ERG: variants seen among roughly 807,000 people sequenced by gnomAD.
The protein encoded by ERG is ETS transcription factor ERG.
A neutral mutation model predicts 55.3 loss-of-function variants in ERG; 9 were observed. The ratio of observed to expected loss-of-function variants is 0.16; its 90% CI spans 0.10 to 0.28. The LOEUF is 0.28. Among genes scored for constraint, ERG ranks in the 10% least tolerant of loss-of-function variants. The probability of loss-of-function intolerance (pLI) is 1.00; values close to 1 mark genes in which losing one functional copy is unlikely to be tolerated. For missense variants in ERG, 434 were observed against 631.6 expected, an observed-to-expected ratio of 0.69 and a Z score of 3.35; for synonymous variants, 223 against 237.3, an observed-to-expected ratio of 0.94 and a Z score of 0.55.
At chr21:38,461,517 C>T (rs1244149140) in intron 1 of ERG, among the ~76,000 whole-genome samples, 3 of 152,282 alleles carry the variant, frequency 2.0e-5, no homozygotes, top group Non-Finnish European at 4.4e-5. Flanking sequence ...TATCTCCCTG[C>T]CTAGCACAGT....
At chr21:38,435,657 T>G (rs1431370077) in intron 2 of ERG, among the ~76,000 whole-genome samples, 8 of 152,224 alleles carry the variant, frequency 5.3e-5, no homozygotes, top group Non-Finnish European at 7.3e-5. Flanking sequence ...TTTGTCCCCT[T>G]AAAGGGGCTC....
chr21:38,652,563 G>T (rs1291644097), intron 1 of ERG, among the ~76,000 whole-genome samples: 1 of 152,160 alleles, frequency 6.6e-6, no homozygotes. Flanking sequence ...CAGGCCTCAG[G>T]GTCTCACATA....
chr21:38,655,508 T>C (rs76158162), intron 1 of ERG, among the ~76,000 whole-genome samples: 1,626 of 152,340 alleles, frequency 0.011, 33 homozygotes, highest in African/African-American at 0.036. Flanking sequence ...GCTTGATTGC[T>C]AGGAGATTCA....
At chr21:38,521,356 T>TA (rs1156542309) in intron 2 of ERG, among the ~76,000 whole-genome samples, 21 of 152,348 alleles carry the variant, frequency 1.4e-4, no homozygotes, top group African/African-American at 4.3e-4. Context: ...ACAGAGAAGT[T>TA]ACGTCTCTTG....
At chr21:38,470,136 A>C (rs1194941237) in intron 1 of ERG, among the ~76,000 whole-genome samples, 1 of 152,182 alleles carries the variant, frequency 6.6e-6, no homozygotes. Context: ...TGTGTCCTTC[A>C]GTTTCCTCAT....
chr21:38,406,170 A>AAAAAAAAAAAAAAAAAAAAAC (rs1262015399), intron 3 of ERG, among the ~76,000 whole-genome samples: 2 of 151,198 alleles, frequency 1.3e-5, no homozygotes, highest in South Asian at 2.1e-4. Context: ...AAAAAAAAAA[A>AAAAAAAAAAAAAAAAAAAAAC]AAAAATCATC....
chr21:38,508,517 T>C (rs1437960526), intron 2 of ERG, among the ~76,000 whole-genome samples: 2 of 152,200 alleles, frequency 1.3e-5, no homozygotes, highest in South Asian at 2.1e-4. Context: ...TGGATTTCAA[T>C]ATAAAATAAG....
intron 2 of ERG, among the ~76,000 whole-genome samples, chr21:38,424,777 T>C (rs1041654578): frequency 2.0e-5 from 3 of 152,032 alleles, no homozygotes; most frequent in African/African-American, 7.2e-5. Flanking sequence ...GGCTTAGGTG[T>C]AGACAGGAAG....
At position 38,615,641 on chromosome 21, in the gene ERG, G is replaced by A. The variant is rs138167523; in HGVS notation, c.-149-30696C>T. 2.5e-3 allele frequency among the ~76,000 whole-genome samples: 378 copies of A among 150,024 alleles called. 2 individuals are homozygous for A. The highest frequency in any genetic ancestry group is 9.1e-3 in the African/African-American group (371 of 40,678). On this transcript the variant is annotated intron_variant, in intron 1 of 10. Coordinates refer to the ERG transcript ENST00000398910. ...ATGAAGTCTGTAAAGCATCTAGTATGTAGAAGCATAGAATAAATGATAGCT... is the reference window on the plus strand; with the variant it reads ...ATGAAGTCTGTAAAGCATCTAGTATATAGAAGCATAGAATAAATGATAGCT...
At chr21:38,419,869 A>G (rs929216831) in intron 3 of ERG, among the ~76,000 whole-genome samples, 2 of 152,192 alleles carry the variant, frequency 1.3e-5, no homozygotes, top group Non-Finnish European at 2.9e-5. Context: ...CCAGAACCCA[A>G]TCTGAACACG....
chr21:38,597,388 G>A (rs751948490), intron 1 of ERG, among the ~76,000 whole-genome samples: 1 of 151,832 alleles, frequency 6.6e-6, no homozygotes, highest in Non-Finnish European at 1.5e-5. Flanking sequence ...ACACGTGTGT[G>A]TACATTTATG....
chr21:38,516,310 T>G (rs2059551172), intron 2 of ERG, among the ~76,000 whole-genome samples: 1 of 151,774 alleles, frequency 6.6e-6, no homozygotes. Context: ...TCAGTAGCAT[T>G]TATATACCCA....
In ERG at chr21:38,649,434, C is replaced by T. The variant is rs552641289; in HGVS notation, c.-150+12224G>A. On this transcript the variant is annotated intron_variant, in intron 1 of 10. Transcript: ENST00000398910. ...CAAACGTTCTGGTTACCGGGGATGA[C>T]ACGCTTTTTCCGACAAGATTTTAAG... Among the ~76,000 whole-genome samples, 6 of 152,320 alleles carry T rather than the reference C, an allele frequency of 3.9e-5. No homozygotes were observed. In the South Asian group the frequency reaches 1.2e-3, roughly 32 times the overall value.
At chr21:38,558,754 G>A (rs1178235455) in intron 2 of ERG, among the ~76,000 whole-genome samples, 6 of 152,222 alleles carry the variant, frequency 3.9e-5, no homozygotes, top group Admixed American at 1.3e-4. Flanking sequence ...CAGTTACAGC[G>A]CAAATTGAGG....
chr21:38,482,512 G>A (rs2059246870), intron 1 of ERG, among the ~76,000 whole-genome samples: 1 of 152,030 alleles, frequency 6.6e-6, no homozygotes, highest in African/African-American at 2.4e-5. Context: ...TCCCTTTTCT[G>A]GGTACTTTCC....
Position 38,572,477 on chromosome 21 carries a change from T to A in ERG, c.-41+3185A>T, listed in dbSNP as rs568116213. Among the ~76,000 whole-genome samples the A allele has an allele frequency of 4.6e-5, 7 of 151,268 alleles. No homozygotes were observed. In the East Asian group the frequency reaches 1.4e-3, roughly 29 times the overall value. On this transcript the variant is annotated intron_variant, in intron 2 of 8. Transcript: ENST00000398897. ...TGAAATTTTACTTCAAAAACTCCCA[T>A]ATCAGGCATTTTAATGAATCAGTGG...
chr21:38,625,528 T>C (rs1328281438), intron 1 of ERG, among the ~76,000 whole-genome samples: 3 of 152,108 alleles, frequency 2.0e-5, no homozygotes, highest in African/African-American at 7.2e-5. Flanking sequence ...AAACATCCCT[T>C]AGGGAACATT....
At chr21:38,494,870 G>T (rs2059366968) in intron 1 of ERG, among the ~76,000 whole-genome samples, 2 of 152,228 alleles carry the variant, frequency 1.3e-5, no homozygotes. Context: ...GTCCACAGAG[G>T]GCAGCCTGGA....
At chr21:38,577,275 T>G (rs1278129164) in intron 1 of ERG, among the ~76,000 whole-genome samples, 2 of 152,108 alleles carry the variant, frequency 1.3e-5, no homozygotes, top group Non-Finnish European at 2.9e-5. Flanking sequence ...CAATTGCCTC[T>G]CATGAAGAGC....
Sources: gnomAD v4.1 joint callset for allele counts (sites outside exome capture counted in the v4.1 genomes callset) on GRCh38, gnomAD v4.1.1 for gene constraint, MANE v1.5 for transcripts, NCBI Gene and HGNC (gene_info 2026-07-23, HGNC 2026-07-21) for gene names.